The following SKAP2 variants were observed in gnomAD, a reference collection of about 807,000 sequenced individuals.
SKAP2 encodes src kinase-associated phosphoprotein 2.
SKAP2 carries 28 observed loss-of-function variants against 54.9 expected under a neutral mutation model. The observed-to-expected ratio is 0.51, with a 90% CI of 0.38 to 0.70. The LOEUF (loss-of-function observed/expected upper bound fraction) is 0.70, where lower values mean the gene tolerates loss of function less well. Ranked by LOEUF, SKAP2 falls within the 30% of genes least tolerant of loss-of-function variation. The pLI is 0.00. For synonymous variants in SKAP2, 137 were observed against 134.3 expected, an observed-to-expected ratio of 1.02 and a Z score of -0.14; for missense variants, 356 against 424.1, an observed-to-expected ratio of 0.84 and a Z score of 1.41.
At chr7:26,700,443 G>A (rs1027602633) in intron 9 of SKAP2, among the ~76,000 whole-genome samples, 3 of 152,090 alleles carry the variant, frequency 2.0e-5, no homozygotes, top group Non-Finnish European at 4.4e-5. Flanking sequence ...TACCAGATAC[G>A]CTTTTCAGAA....
At chr7:26,683,535 TGGAAGGAAGGAAGGAA>T (rs145108418) in intron 11 of SKAP2, among the ~76,000 whole-genome samples, 7 of 147,058 alleles carry the variant, frequency 4.8e-5, no homozygotes, top group African/African-American at 1.5e-4. Flanking sequence ...GATGGATGGA[TGGAAGGAAGGAAGGAA>T]GGAAGGAAGG....
chr7:26,863,745 G>A (rs1210653943), intron 1 of SKAP2, among the ~76,000 whole-genome samples: 1 of 151,666 alleles, frequency 6.6e-6, no homozygotes, highest in Non-Finnish European at 1.5e-5. Flanking sequence ...TTCCTTTTTT[G>A]CTTTAATATA....
intron 4 of SKAP2, among the ~76,000 whole-genome samples, chr7:26,831,468 T>C (rs539642692): frequency 3.9e-5 from 6 of 152,268 alleles, no homozygotes; most frequent in East Asian, 3.9e-4. Context: ...CTATATAGTA[T>C]AGAAGTTAGA....
intron 4 of SKAP2, among the ~76,000 whole-genome samples, chr7:26,822,966 G>T (rs1428457590): frequency 6.6e-6 from 1 of 152,094 alleles, no homozygotes; most frequent in Non-Finnish European, 1.5e-5. Flanking sequence ...AAATCAAAAG[G>T]TACAAAAGGT....
intron 4 of SKAP2, among the ~76,000 whole-genome samples, chr7:26,754,378 AC>A (rs1782745975): frequency 4.2e-5 from 6 of 141,910 alleles, no homozygotes; most frequent in South Asian, 2.3e-4. Context: ...ACACACACAC[AC>A]ACAAAAAGTA....
intron 4 of SKAP2, chr7:26,742,397 G>T (rs973776583): frequency 2.0e-5 from 3 of 152,186 alleles, no homozygotes; most frequent in East Asian, 1.9e-4. Flanking sequence ...GACAGAGAGA[G>T]ATGGGAAGAA....
chr7:26,776,100 C>T (rs1242504064), intron 4 of SKAP2, among the ~76,000 whole-genome samples: 1 of 152,038 alleles, frequency 6.6e-6, no homozygotes, highest in Non-Finnish European at 1.5e-5. Context: ...ACTGACTCAT[C>T]TCTCCCCTAA....
chr7:26,798,928 A>G (rs1373378316), intron 4 of SKAP2, among the ~76,000 whole-genome samples: 1 of 152,154 alleles, frequency 6.6e-6, no homozygotes, highest in Non-Finnish European at 1.5e-5. Flanking sequence ...CACACAAGAC[A>G]TAAAAAGCAA....
intron 4 of SKAP2, among the ~76,000 whole-genome samples, chr7:26,805,683 C>T (rs768495846): frequency 3.9e-5 from 6 of 152,170 alleles, no homozygotes; most frequent in Non-Finnish European, 7.3e-5. Context: ...TTCAAACTTT[C>T]GGATCACTGC....
chr7:26,702,864 G>A (rs889846517), intron 9 of SKAP2, among the ~76,000 whole-genome samples: 6 of 152,130 alleles, frequency 3.9e-5, no homozygotes, highest in African/African-American at 1.4e-4. Context: ...TCTAATTTGC[G>A]AATAGAGATT....
At chr7:26,672,101 T>A (rs747913911) in intron 11 of SKAP2, among the ~76,000 whole-genome samples, 1 of 151,968 alleles carries the variant, frequency 6.6e-6, no homozygotes, top group African/African-American at 2.4e-5. Flanking sequence ...GTGACAGACA[T>A]AGAAAACATT....
At chr7:26,766,080 A>G (rs888910580) in intron 4 of SKAP2, among the ~76,000 whole-genome samples, 1 of 152,140 alleles carries the variant, frequency 6.6e-6, no homozygotes, top group Non-Finnish European at 1.5e-5. Context: ...AATTTTCACT[A>G]TATTGATTCT....
At chr7:26,706,551 T>C (rs1442740093) in intron 9 of SKAP2, among the ~76,000 whole-genome samples, 1 of 152,190 alleles carries the variant, frequency 6.6e-6, no homozygotes, top group African/African-American at 2.4e-5. Context: ...GAAAAAGCCA[T>C]GATACAAATA....
chr7:26,852,046 T>C (rs7804356), intron 3 of SKAP2, among the ~76,000 whole-genome samples: 32,568 of 152,030 alleles, frequency 0.21, 3,585 homozygotes, highest in Non-Finnish European at 0.24. Flanking sequence ...AAAAAGGTTA[T>C]GTTCACAATG....
intron 1 of SKAP2, chr7:26,855,162 G>C (rs1424584776): frequency 2.4e-5 from 5 of 212,336 alleles, no homozygotes; most frequent in African/African-American, 1.1e-4. Flanking sequence ...AAACAAGGAA[G>C]AAGCACACAC....
chr7:26,860,223 C>G (rs1462195942), intron 1 of SKAP2, among the ~76,000 whole-genome samples: 1 of 152,248 alleles, frequency 6.6e-6, no homozygotes, highest in Middle Eastern at 3.4e-3. Flanking sequence ...AAAATACTTT[C>G]AATGGACAGC....
At chr7:26,698,620 T>A (rs899383677) in intron 9 of SKAP2, among the ~76,000 whole-genome samples, 1 of 152,218 alleles carries the variant, frequency 6.6e-6, no homozygotes, top group Admixed American at 6.5e-5. Flanking sequence ...CAGAAGAATG[T>A]ATAAAGCATT....
At chr7:26,777,768 T>C (rs1030378400) in intron 4 of SKAP2, among the ~76,000 whole-genome samples, 1 of 152,030 alleles carries the variant, frequency 6.6e-6, no homozygotes, top group East Asian at 1.9e-4. Context: ...AAGATACTTC[T>C]AGGGAGGAGT....
chr7:26,834,357 A>C (rs1185655949), intron 4 of SKAP2, among the ~76,000 whole-genome samples: 1 of 152,216 alleles, frequency 6.6e-6, no homozygotes, highest in African/African-American at 2.4e-5. Flanking sequence ...GCAGAACTGA[A>C]GGAGATAGAG....
Sources: allele counts gnomAD v4.1 joint callset (sites outside exome capture counted in the v4.1 genomes callset), GRCh38; gene constraint gnomAD v4.1.1; transcripts MANE v1.5; gene names NCBI Gene and HGNC (gene_info 2026-07-23, HGNC 2026-07-21).